CREM: variants seen among roughly 807,000 people sequenced by gnomAD.
CREM encodes cAMP responsive element modulator, also known as cAMP-responsive element modulator.
A neutral mutation model predicts 37.3 loss-of-function variants in CREM; 13 were observed. The ratio of observed to expected loss-of-function variants is 0.35; its 90% confidence interval spans 0.23 to 0.55. CREM has a LOEUF of 0.55. CREM is among the 20% of genes least tolerant of loss of function. The pLI is 0.88. For synonymous variants in CREM, 124 were observed against 120.2 expected (o/e 1.03, Z -0.21); for missense variants, 296 against 362.3 (o/e 0.82, Z 1.49).
At chr10:35,167,495 T>A in intron 3 of CREM, 1 of 514,938 alleles carries the variant, frequency 1.9e-6, no homozygotes, top group East Asian at 3.0e-5. Context: ...TTGTGACATG[T>A]GCAGCTATAC....
intron 6 of CREM, chr10:35,201,441 C>T: frequency 6.4e-7 from 1 of 1,551,548 alleles, no homozygotes; most frequent in Non-Finnish European, 8.7e-7. Context: ...ACTGTATCCC[C>T]ATTTTACAGA....
intron 5 of CREM, among the ~76,000 whole-genome samples, chr10:35,186,440 C>T (rs1415109270): frequency 6.6e-6 from 1 of 151,748 alleles, no homozygotes. Context: ...ACTTGAGATA[C>T]TTGGTAGAGG....
chr10:35,200,761 A>G (rs1368948480), intron 6 of CREM, among the ~76,000 whole-genome samples: 1 of 152,172 alleles, frequency 6.6e-6, no homozygotes, highest in Non-Finnish European at 1.5e-5. Context: ...GCTTACTTAA[A>G]GGTGTATTTA....
chr10:35,200,714 C>G (rs73262803), intron 6 of CREM, among the ~76,000 whole-genome samples: 25 of 152,178 alleles, frequency 1.6e-4, no homozygotes, highest in African/African-American at 5.8e-4. Context: ...ATAGAAGCCC[C>G]CCACTTAGAA....
intron 2 of CREM, among the ~76,000 whole-genome samples, chr10:35,147,243 C>T (rs1393375558): frequency 6.6e-6 from 1 of 151,576 alleles, no homozygotes; most frequent in Non-Finnish European, 1.5e-5. Flanking sequence ...TTAGTAGAGA[C>T]GGGGTTTCAC....
intron 5 of CREM, among the ~76,000 whole-genome samples, chr10:35,186,975 TTA>T (rs1383011011): frequency 2.2e-5 from 2 of 92,510 alleles, no homozygotes; most frequent in African/African-American, 9.2e-5. Context: ...AATTTATATA[TTA>T]TATGTGATAT....
chr10:35,141,705 T>C (rs932635100), intron 2 of CREM, among the ~76,000 whole-genome samples: 6 of 152,198 alleles, frequency 3.9e-5, no homozygotes, highest in African/African-American at 1.4e-4. Flanking sequence ...CCTAGAGTCA[T>C]GGGTTTAAAT....
intron 5 of CREM, among the ~76,000 whole-genome samples, chr10:35,183,080 A>C (rs1421615734): frequency 6.6e-6 from 1 of 151,894 alleles, no homozygotes; most frequent in Non-Finnish European, 1.5e-5. Context: ...ACTATACCCA[A>C]CCTCTTCCTG....
intron 6 of CREM, among the ~76,000 whole-genome samples, chr10:35,196,865 CTTTTTTTTTTT>C (rs58503822): frequency 9.2e-6 from 1 of 108,942 alleles, no homozygotes; most frequent in Admixed American, 1.1e-4. Flanking sequence ...ACGCTGTGTA[CTTTTTTTTTTT>C]TTTTTTTTTT....
intron 6 of CREM, among the ~76,000 whole-genome samples, chr10:35,193,880 AC>A (rs1360875600): frequency 6.6e-6 from 1 of 151,954 alleles, no homozygotes; most frequent in Admixed American, 6.6e-5. Flanking sequence ...TGGGTGGATC[AC>A]CTGAGATCAG....
intron 2 of CREM, among the ~76,000 whole-genome samples, chr10:35,142,131 A>G (rs1174214166): frequency 1.3e-5 from 2 of 152,152 alleles, no homozygotes; most frequent in Admixed American, 6.5e-5. Context: ...TCTTTCAAAT[A>G]TTTCAGCAGT....
At chr10:35,191,217 G>C (rs2133845290) in intron 6 of CREM, among the ~76,000 whole-genome samples, 1 of 151,754 alleles carries the variant, frequency 6.6e-6, no homozygotes, top group East Asian at 1.9e-4. Context: ...CCATTACAAT[G>C]GTACCTTATT....
intron 2 of CREM, among the ~76,000 whole-genome samples, chr10:35,143,365 A>G (rs1223220443): frequency 6.6e-6 from 1 of 152,144 alleles, no homozygotes; most frequent in East Asian, 1.9e-4. Flanking sequence ...TGGTGTGGAG[A>G]TCTCAGTGTG....
At chr10:35,207,198 C>T in intron 7 of CREM, 147 bp downstream of exon 7, 1 of 756,594 alleles carries the variant, frequency 1.3e-6, no homozygotes, top group Non-Finnish European at 2.0e-6. Flanking sequence ...CAAGACCATC[C>T]TGGCTAACAC....
intron 3 of CREM, among the ~76,000 whole-genome samples, chr10:35,169,371 G>A (rs2093695773): frequency 6.6e-6 from 1 of 152,152 alleles, no homozygotes; most frequent in Non-Finnish European, 1.5e-5. Flanking sequence ...TTGTGAATGG[G>A]AGTTCACTCA....
rs1208376551 is a variant in CREM, at chr10:35,148,636, TAC to T, written c.168+146_168+147del. 3.3e-6 allele frequency: 3 copies of T among 905,914 alleles called. No homozygotes were observed. In the East Asian group the frequency reaches 8.7e-5, roughly 26 times the overall value. 56.1% of individuals were successfully genotyped at this position (905,914 alleles called of 1,614,324 possible). On this transcript the variant is annotated intron_variant, in intron 3 of 7. Transcript: ENST00000685392. ...TGCTTATTTGATTGTGAAGAAAAGA[TAC>T]GTGTTGTAATTAGCCTTGCATTTTA...
chr10:35,204,121 A>T, intron 6 of CREM, among the ~76,000 whole-genome samples: 1 of 152,344 alleles, frequency 6.6e-6, no homozygotes, highest in East Asian at 1.9e-4. Context: ...TCTTCTGACA[A>T]TACGATGAAG....
intron 3 of CREM, among the ~76,000 whole-genome samples, chr10:35,169,966 T>TG (rs2132638101): frequency 1.5e-5 from 1 of 65,288 alleles, no homozygotes; most frequent in East Asian, 4.4e-4. Flanking sequence ...GTGGAGAAGC[T>TG]TTTTTTTTTT....
chr10:35,187,164 T>TATATAA (rs1564922661), intron 5 of CREM, among the ~76,000 whole-genome samples: 60 of 42,788 alleles, frequency 1.4e-3, no homozygotes, highest in South Asian at 9.9e-3. Context: ...TAATATATAT[T>TATATAA]ATATATTAAT....
Sources: allele counts gnomAD v4.1 joint callset (sites outside exome capture counted in the v4.1 genomes callset), GRCh38; gene constraint gnomAD v4.1.1; transcripts MANE v1.5; gene names NCBI Gene and HGNC (gene_info 2026-07-23, HGNC 2026-07-21).